Variants in RYR2 observed in about 807,000 individuals in gnomAD.
RYR2 encodes the protein cardiac muscle ryanodine receptor-calcium release channel.
RYR2 carries 227 observed loss-of-function variants against 601.1 expected under a neutral mutation model. The ratio of observed to expected loss-of-function variants is 0.38; its 90% CI spans 0.34 to 0.42. The LOEUF is 0.42. Among genes scored for constraint, RYR2 ranks in the 10% least tolerant of loss-of-function variants. RYR2 has a pLI of 1.00. For synonymous variants in RYR2, 2,223 were observed against 2,175.1 expected (o/e 1.02, Z -0.61); for missense variants, 4,646 against 6,156.5 (o/e 0.75, Z 8.21).
chr1:237,827,053 T>C (rs1201374522), intron 101 of RYR2, among the ~76,000 whole-genome samples: 1 of 152,170 alleles, frequency 6.6e-6, no homozygotes, highest in Non-Finnish European at 1.5e-5. Context: ...TGGCTTGAAT[T>C]AAATGTCTGT....
intron 1 of RYR2, among the ~76,000 whole-genome samples, chr1:237,095,361 C>T (rs929025169): frequency 6.6e-6 from 1 of 152,130 alleles, no homozygotes; most frequent in African/African-American, 2.4e-5. Context: ...ATGGCAGGGC[C>T]GTGCAGCACT....
intron 1 of RYR2, among the ~76,000 whole-genome samples, chr1:237,111,996 G>A (rs989791855): frequency 1.7e-4 from 26 of 152,208 alleles, no homozygotes; most frequent in African/African-American, 5.8e-4. Context: ...GGTTGGGGGT[G>A]GGTGGTGGGT....
intron 2 of RYR2, among the ~76,000 whole-genome samples, chr1:237,308,515 T>C (rs1694133566): frequency 6.6e-6 from 1 of 152,234 alleles, no homozygotes; most frequent in African/African-American, 2.4e-5. Flanking sequence ...TTGGTCTCAA[T>C]GACTTCAAGA....
At chr1:237,151,014 C>T (rs75246846) in intron 1 of RYR2, among the ~76,000 whole-genome samples, 2,945 of 152,178 alleles carry the variant, frequency 0.019, 71 homozygotes, top group South Asian at 0.094. Flanking sequence ...AACAAATACA[C>T]AGGAGTCACT....
In RYR2 at chr1:237,773,522, A is replaced by G; in HGVS notation, c.11649A>G (p.Glu3883=). ...ATAATATCATCTCTATTTCCCAGGAATCAATTAGTGACTTTTATTGGTATT... is the reference window on the plus strand; with the variant it reads ...ATAATATCATCTCTATTTCCCAGGAGTCAATTAGTGACTTTTATTGGTATT... ...STVDYLLRVQ[E]SISDFYWYYS... Residue 3883 remains glutamate (E), a splice_region_variant and synonymous_variant, in exon 87 of 105, where the codon GAA becomes GAG. Transcript: ENST00000366574. 1 of 1,579,848 alleles carries G rather than the reference A, an allele frequency of 6.3e-7. No individual in the cohort carries two copies. The highest frequency in any genetic ancestry group is 1.1e-5 in the South Asian group (1 of 90,214).
chr1:237,635,486 G>A (rs1370446075), intron 44 of RYR2, among the ~76,000 whole-genome samples: 2 of 152,090 alleles, frequency 1.3e-5, no homozygotes, highest in East Asian at 1.9e-4. Flanking sequence ...CAAAGCATCA[G>A]CGATATAGTA....
chr1:237,099,146 T>C (rs1251691968), intron 1 of RYR2, among the ~76,000 whole-genome samples: 4 of 151,420 alleles, frequency 2.6e-5, no homozygotes, highest in Admixed American at 1.3e-4. Context: ...AGCATACATA[T>C]AACATTTAAG....
chr1:237,521,326 C>T (rs768019782), intron 24 of RYR2, among the ~76,000 whole-genome samples: 1 of 152,166 alleles, frequency 6.6e-6, no homozygotes, highest in Non-Finnish European at 1.5e-5. Flanking sequence ...AAACAAAATG[C>T]AATAGCACCT....
In RYR2 at chr1:237,614,542, A is replaced by G. The variant is rs759774382; in HGVS notation, c.5414A>G (p.His1805Arg). 6.2e-7 allele frequency: 1 copy of G among 1,614,060 alleles called. No homozygotes were observed. Among genetic ancestry groups the G allele is most frequent in the East Asian group, 2.2e-5 (1 of 44,884 alleles). The change falls in exon 37 of 105, where the codon CAT (histidine) becomes CGT (arginine). Residue 1805 changes from histidine to arginine, a missense_variant. Physicochemically the swap from His to Arg is conservative, Grantham distance 29 (BLOSUM62 0). This residue lies in a region of RYR2 where 1,807 missense variants were observed against 2,088.1 expected (regional missense o/e 0.87). Transcript: ENST00000366574. The surrounding 1 kb of genome is among the most constrained non-coding windows in gnomAD (Gnocchi z 4.3). ...GAAGCTGTTAAAGAGGGCAGTCTTCATGCCCGGGACCCAGTTGGAGGGACT... is the reference window on the plus strand; with the variant it reads ...GAAGCTGTTAAAGAGGGCAGTCTTCGTGCCCGGGACCCAGTTGGAGGGACT... ...LTEAVKEGSL[H>R]ARDPVGGTTE...
In RYR2 at chr1:237,424,260, G is replaced by C. The variant is rs1572258769; in HGVS notation, c.1005+1012G>C. ...TGGAACAATATTAAACTACTAACTA[G>C]CTTTCATCTTAGAAAGGCAAAACTT... On this transcript the variant is annotated intron_variant, in intron 12 of 104. Coordinates refer to ENST00000366574, the MANE Select transcript of RYR2 (RefSeq NM_001035.3). 3.9e-5 allele frequency among the ~76,000 whole-genome samples: 6 copies of C among 152,186 alleles called. No homozygotes were observed. In the East Asian group the frequency reaches 1.2e-3, roughly 29 times the overall value.
At chr1:237,214,822 A>G (rs938476524) in intron 1 of RYR2, among the ~76,000 whole-genome samples, 1 of 152,224 alleles carries the variant, frequency 6.6e-6, no homozygotes, top group Non-Finnish European at 1.5e-5. Flanking sequence ...AGAATAAAAT[A>G]CAACATTCAT....
intron 3 of RYR2, among the ~76,000 whole-genome samples, chr1:237,334,045 A>G (rs1038060418): frequency 6.6e-6 from 1 of 152,144 alleles, no homozygotes; most frequent in Non-Finnish European, 1.5e-5. Flanking sequence ...ATACTATTTC[A>G]TGTCCAAAAT....
chr1:237,474,240 TATAG>T (rs568589859), intron 17 of RYR2, among the ~76,000 whole-genome samples: 95 of 142,146 alleles, frequency 6.7e-4, no homozygotes, highest in African/African-American at 2.5e-3. Context: ...CATATATATG[TATAG>T]ATATATACAT....
chr1:237,046,670 T>C (rs2148105826), intron 1 of RYR2, among the ~76,000 whole-genome samples: 1 of 152,324 alleles, frequency 6.6e-6, no homozygotes, highest in Non-Finnish European at 1.5e-5. Flanking sequence ...TCAATTGTAT[T>C]TGTACTTTGG....
chr1:237,469,269 A>AC (rs986520833), intron 17 of RYR2, 82 bp downstream of exon 17: 9 of 796,854 alleles, frequency 1.1e-5, no homozygotes, highest in Non-Finnish European at 1.5e-5. Flanking sequence ...AAAAAAAAAA[A>AC]AAAAAAAAAA....
At chr1:237,059,432 G>A (rs769011251) in intron 1 of RYR2, among the ~76,000 whole-genome samples, 4 of 152,012 alleles carry the variant, frequency 2.6e-5, no homozygotes, top group Non-Finnish European at 5.9e-5. Context: ...ACCAGGAGTC[G>A]AGAACTCTGC....
chr1:237,825,070 G>A (rs77310226), intron 101 of RYR2, among the ~76,000 whole-genome samples: 4,722 of 152,228 alleles, frequency 0.031, 81 homozygotes, highest in South Asian at 0.051. Context: ...AATCAATATT[G>A]TGAAAATGGC....
chr1:237,426,479 T>C (rs1390765552), intron 12 of RYR2, among the ~76,000 whole-genome samples: 5 of 152,152 alleles, frequency 3.3e-5, no homozygotes, highest in Non-Finnish European at 5.9e-5. Context: ...GGTGGGAATT[T>C]GCTAGTTTAT....
chr1:237,591,545 C>A (rs1253840064), intron 31 of RYR2, among the ~76,000 whole-genome samples, 194 bp from the exon 32 acceptor site: 1 of 152,038 alleles, frequency 6.6e-6, no homozygotes, highest in Non-Finnish European at 1.5e-5. Context: ...TCCTGACCTC[C>A]ACCCACTAGA....
Sources: allele counts gnomAD v4.1 joint callset (sites outside exome capture counted in the v4.1 genomes callset), GRCh38; gene constraint gnomAD v4.1.1; regional missense constraint gnomAD v4.1.1; non-coding constraint Gnocchi (gnomAD v3.1); transcripts MANE v1.5; gene names NCBI Gene and HGNC (gene_info 2026-07-23, HGNC 2026-07-21).